The following SEC31A variants were observed in gnomAD, a reference collection of about 807,000 sequenced individuals.
The protein encoded by SEC31A is SEC31 homolog A, COPII component.
In SEC31A, 70 loss-of-function variants were observed where a neutral mutation model predicts 151.0. The observed-to-expected ratio is 0.46, with a 90% confidence interval of 0.38 to 0.57. SEC31A has a LOEUF of 0.57. Among genes scored for constraint, SEC31A ranks in the 20% least tolerant of loss-of-function variants. The pLI, the probability that SEC31A is intolerant of heterozygous loss-of-function variation, is 0.00. For missense variants in SEC31A, 1,330 were observed against 1,471.2 expected (o/e 0.90, Z 1.57); for synonymous variants, 475 against 505.9 (o/e 0.94, Z 0.82).
chr4:82,820,867 C>T (rs1476706327), intron 26 of SEC31A, among the ~76,000 whole-genome samples, 170 bp downstream of exon 26: 1 of 152,062 alleles, frequency 6.6e-6, no homozygotes, highest in Non-Finnish European at 1.5e-5. Flanking sequence ...CACCCGTATC[C>T]CCTTAACCCC....
chr4:82,891,342 TTGG>T, upstream of SEC31A: 1 of 679,082 alleles, frequency 1.5e-6, no homozygotes, highest in Non-Finnish European at 2.4e-6. Flanking sequence ...GCTCCGCTGG[TTGG>T]TGGCGCTCTG....
chr4:82,890,820 C>T lies in SEC31A; in HGVS notation c.-5+268G>A, dbSNP rs981819777. 18 of 1,316,572 alleles carry T rather than the reference C, an allele frequency of 1.4e-5. No individual in the cohort carries two copies. In the African/African-American group the frequency reaches 2.6e-4, roughly 19 times the overall value. 81.6% of individuals were successfully genotyped at this position (1,316,572 alleles called of 1,614,324 possible). On this transcript the variant is annotated intron_variant, in intron 1 of 26. Transcript: ENST00000395310. ...AGTTACCAGCCCGGCTACTACTCCC[C>T]GGCAAGACACTGTCGCCAGCCTCGG...
At position 82,874,621 on chromosome 4, in the gene SEC31A, T is replaced by C. The variant is rs764870828; in HGVS notation, c.629A>G (p.His210Arg). The change falls in exon 6 of 27, where the codon CAT becomes CGT. Residue 210 changes from histidine (H) to arginine (R), a missense_variant. By Grantham distance (29) the His-to-Arg change is conservative. Coordinates refer to ENST00000395310, the MANE Select transcript of SEC31A (RefSeq NM_001077207.4). ...KNEPIIKVSD[H>R]SNRMHCSGLA... ...CAATCACATACTTACTCTGTTACTA[T>C]GGTCACTGACTTTGATGATTGGCTC... 1.9e-6 allele frequency: 3 copies of C among 1,608,932 alleles called. No homozygotes were observed. Among genetic ancestry groups the C allele is most frequent in the Non-Finnish European group, 2.5e-6 (3 of 1,179,122 alleles).
intron 14 of SEC31A, among the ~76,000 whole-genome samples, chr4:82,859,581 A>T (rs1733603698): frequency 6.6e-6 from 1 of 152,194 alleles, no homozygotes; most frequent in Admixed American, 6.5e-5. Context: ...TTTAATGCAG[A>T]GTACAGCACT....
intron 20 of SEC31A, 86 bp from the exon 21 acceptor site, chr4:82,844,595 T>G (rs1729649472): frequency 1.1e-5 from 15 of 1,360,872 alleles, no homozygotes; most frequent in Non-Finnish European, 1.4e-5. Context: ...GAAATGGAAT[T>G]CTATGTTTAT....
intron 22 of SEC31A, among the ~76,000 whole-genome samples, chr4:82,837,158 CATAT>C (rs138120291): frequency 0.011 from 465 of 42,648 alleles, 5 homozygotes; most frequent in African/African-American, 0.03. Flanking sequence ...TAAATTTTAT[CATAT>C]ATATATATAT....
Position 82,872,156 on chromosome 4 carries a change from T to C in SEC31A, c.640-70A>G, listed in dbSNP as rs1026168420. The C allele has an allele frequency of 7.3e-6, 8 of 1,097,526 alleles. No individual in the cohort carries two copies. The Admixed American group carries it at 7.4e-5, about 10-fold the overall frequency. 68.0% of individuals were successfully genotyped at this position (1,097,526 alleles called of 1,614,324 possible). On this transcript the variant is annotated intron_variant, in intron 6 of 26. Coordinates refer to ENST00000395310, the MANE Select transcript of SEC31A (RefSeq NM_001077207.4). ...TGAAAAGCCAAACTACAACGAGAAATATACCTTTATTGAAACAAATAGTGA... is the reference window on the plus strand; with the variant it reads ...TGAAAAGCCAAACTACAACGAGAAACATACCTTTATTGAAACAAATAGTGA...
At chr4:82,869,296 ATTT>A (rs747027053) in intron 8 of SEC31A, among the ~76,000 whole-genome samples, 1 of 128,716 alleles carries the variant, frequency 7.8e-6, no homozygotes. Context: ...ATTTTTTTGT[ATTT>A]TTTTTTTTTT....
chr4:82,868,524 A>T (rs1414292476), intron 8 of SEC31A, among the ~76,000 whole-genome samples: 4 of 112,422 alleles, frequency 3.6e-5, no homozygotes, highest in African/African-American at 1.0e-4. Flanking sequence ...AGTACTAAAA[A>T]AAATAAATAA....
intron 25 of SEC31A, among the ~76,000 whole-genome samples, chr4:82,824,322 G>A (rs1329421093): frequency 2.6e-5 from 4 of 152,086 alleles, no homozygotes; most frequent in Non-Finnish European, 5.9e-5. Flanking sequence ...TCCTGCCTTA[G>A]CCTCTCGAGT....
At position 82,880,934 on chromosome 4, in the gene SEC31A, A is replaced by T; in HGVS notation, c.80-12T>A. On this transcript the variant is annotated splice_polypyrimidine_tract_variant and intron_variant, in intron 2 of 26. Coordinates refer to ENST00000395310, the MANE Select transcript of SEC31A (RefSeq NM_001077207.4). ...CTGAGCAGATGTTCCTATAGAAAAT[A>T]TATTTATGGTAACTATACACACAAA... 1 of 1,592,174 alleles carries T rather than the reference A, an allele frequency of 6.3e-7. No homozygotes were observed. Among genetic ancestry groups the T allele is most frequent in the Non-Finnish European group, 8.6e-7 (1 of 1,167,606 alleles).
chr4:82,845,672 ATT>A (rs34730929), intron 20 of SEC31A, among the ~76,000 whole-genome samples: 3 of 150,136 alleles, frequency 2.0e-5, no homozygotes, highest in Admixed American at 1.3e-4. Context: ...TAAAAAAGTG[ATT>A]TTTTTTTTGG....
At chr4:82,829,942 AT>A (rs1725543673) in intron 22 of SEC31A, among the ~76,000 whole-genome samples, 1 of 152,230 alleles carries the variant, frequency 6.6e-6, no homozygotes, top group Non-Finnish European at 1.5e-5. Context: ...GAGTTTTGAT[AT>A]TCTCTATAAG....
At chr4:82,830,335 C>G (rs1266192253) in intron 22 of SEC31A, among the ~76,000 whole-genome samples, 1 of 152,138 alleles carries the variant, frequency 6.6e-6, no homozygotes, top group Non-Finnish European at 1.5e-5. Flanking sequence ...GTGGTGCATG[C>G]CTGTAGTCTC....
chr4:82,875,582 T>C (rs988007714), intron 5 of SEC31A, 145 bp downstream of exon 5: 3 of 608,408 alleles, frequency 4.9e-6, no homozygotes, highest in African/African-American at 3.8e-5. Context: ...TATTTATTAA[T>C]TACTGAAGAA....
chr4:82,840,410 A>G (rs1728462708), intron 22 of SEC31A, among the ~76,000 whole-genome samples: 1 of 152,152 alleles, frequency 6.6e-6, no homozygotes, highest in Admixed American at 6.5e-5. Flanking sequence ...TTGGAACTCT[A>G]CAAATGAATT....
Position 82,857,029 on chromosome 4 carries a change from C to T in SEC31A, c.1804G>A (p.Ala602Thr), listed in dbSNP as rs1205473095. Residue 602 changes from alanine to threonine, a missense_variant, in exon 16 of 27, where the codon GCC becomes ACC. Ala to Thr is a moderately conservative substitution (Grantham distance 58). Transcript: ENST00000395310. Reference protein sequence around the residue: ...DNRMADAIILAIAGGQELLAR... With the variant: ...DNRMADAIILTIAGGQELLAR... ...AAGAGTTCTTGTCCACCTGCTATGG[C>T]CAATATAATGGCATCGGCCATGCGG... 4 of 1,613,948 alleles carry T rather than the reference C, an allele frequency of 2.5e-6. No individual in the cohort carries two copies. The highest frequency in any genetic ancestry group is 3.4e-6 in the Non-Finnish European group (4 of 1,179,964).
chr4:82,825,468 C>G (rs1432270367), intron 24 of SEC31A, among the ~76,000 whole-genome samples: 1 of 152,110 alleles, frequency 6.6e-6, no homozygotes. Flanking sequence ...GGAAGGCTCT[C>G]TCAGGAAATT....
At chr4:82,866,141 A>G (rs1364252224) in intron 10 of SEC31A, among the ~76,000 whole-genome samples, 1 of 151,790 alleles carries the variant, frequency 6.6e-6, no homozygotes, top group Non-Finnish European at 1.5e-5. Flanking sequence ...GAGGGAGGGA[A>G]AGAGAGACAG....
Sources: gnomAD v4.1 joint callset for allele counts (sites outside exome capture counted in the v4.1 genomes callset) on GRCh38, gnomAD v4.1.1 for gene constraint, MANE v1.5 for transcripts, NCBI Gene and HGNC (gene_info 2026-07-23, HGNC 2026-07-21) for gene names.